Variants in LCOR observed in about 807,000 individuals in gnomAD.
The protein encoded by LCOR is ligand dependent nuclear receptor corepressor.
Under a neutral mutation model 64.4 loss-of-function variants are expected in LCOR, and 14 were observed. That is an observed-to-expected ratio of 0.22 (90% confidence interval 0.14 to 0.34). The LOEUF (loss-of-function observed/expected upper bound fraction) is 0.34, where lower values mean the gene tolerates loss of function less well. LCOR is among the 10% of genes least tolerant of loss of function. The probability of loss-of-function intolerance (pLI) is 1.00; values close to 1 mark genes in which losing one functional copy is unlikely to be tolerated. For missense variants in LCOR, 1,686 were observed against 1,765.3 expected, an observed-to-expected ratio of 0.96 and a Z score of 0.80; for synonymous variants, 643 against 642.5, an observed-to-expected ratio of 1.00 and a Z score of -0.01.
intron 2 of LCOR, among the ~76,000 whole-genome samples, chr10:96,894,951 A>G (rs1846512406): frequency 6.6e-6 from 1 of 152,164 alleles, no homozygotes; most frequent in South Asian, 2.1e-4. Flanking sequence ...ATAGAACAGT[A>G]AAAAAGACCT....
Position 96,833,398 on chromosome 10 carries a change from C to T in LCOR, c.-403-8C>T, listed in dbSNP as rs1002350351. On this transcript the variant is annotated splice_region_variant and splice_polypyrimidine_tract_variant and intron_variant, in intron 1 of 7. Transcript: ENST00000421806. ...CACTGTGTGTTTTGTCTGTTTTTCT[C>T]TCCCAAGGTCCCGTTTCCCTCTGTG... 4.4e-5 allele frequency: 43 copies of T among 985,766 alleles called. No homozygotes were observed. The highest frequency in any genetic ancestry group is 4.9e-5 in the Non-Finnish European group (41 of 829,996). The allele number at this position is 985,766 out of a possible 1,614,324, so 61.1% of individuals were successfully genotyped here. A position where few individuals can be genotyped will look rare whatever the true frequency, so the allele number is the denominator to read the frequency against.
chr10:96,907,850 G>A (rs1589647372), intron 4 of LCOR, 103 bp downstream of exon 4: 1 of 267,144 alleles, frequency 3.7e-6, no homozygotes, highest in Non-Finnish European at 5.8e-6. Context: ...GGAAAAGGAA[G>A]GTATGGTTTC....
chr10:96,866,718 G>T (rs1330182110), intron 2 of LCOR, among the ~76,000 whole-genome samples: 1 of 152,152 alleles, frequency 6.6e-6, no homozygotes, highest in Admixed American at 6.6e-5. Flanking sequence ...CGGATTACAG[G>T]CGCACACTAC....
chr10:96,911,487 C>T (rs537298964), intron 4 of LCOR, among the ~76,000 whole-genome samples: 15 of 152,288 alleles, frequency 9.8e-5, no homozygotes, highest in South Asian at 6.2e-4. Flanking sequence ...CAGAGATGTT[C>T]AGTTATGGGC....
At chr10:96,841,459 G>A (rs912302281) in intron 2 of LCOR, among the ~76,000 whole-genome samples, 1 of 150,606 alleles carries the variant, frequency 6.6e-6, no homozygotes, top group Non-Finnish European at 1.5e-5. Flanking sequence ...CTCCCAGGCT[G>A]AAGCAATTAT....
chr10:96,947,728 C>T (rs557999213), intron 5 of LCOR, among the ~76,000 whole-genome samples: 1 of 151,716 alleles, frequency 6.6e-6, no homozygotes, highest in Non-Finnish European at 1.5e-5. Flanking sequence ...CTCTTTTGAT[C>T]ACATTTCCCT....
Position 96,866,242 on chromosome 10 carries a change from A to G in LCOR, c.-330+32763A>G, listed in dbSNP as rs186609242. 5.3e-5 allele frequency among the ~76,000 whole-genome samples: 8 copies of G among 152,312 alleles called. No homozygotes were observed. In the East Asian group the frequency reaches 9.6e-4, roughly 18 times the overall value. On this transcript the variant is annotated intron_variant, in intron 2 of 7. Coordinates refer to ENST00000421806, the MANE Select transcript of LCOR (RefSeq NM_001346516.2). ...ACCCGTTACATGATCAAATTTTAGA[A>G]TAGCCACTCCTCATTCTGTCTCCTT...
At position 96,981,382 on chromosome 10, in the gene LCOR, A is replaced by G; in HGVS notation, c.922A>G (p.Lys308Glu). Residue 308 changes from lysine to glutamate, a missense_variant, in exon 8 of 8, where the codon AAA (lysine) becomes GAA (glutamate). Transcript: ENST00000421806. ...DTNVNICEDG[K>E]DHMQSSALVE... ...AAATGTGAACATATGTGAGGATGGT[A>G]AAGACCATATGCAGAGTTCAGCTTT... The G allele has an allele frequency of 1.2e-6, 2 of 1,614,176 alleles. No individual in the cohort carries two copies. Among genetic ancestry groups the G allele is most frequent in the Non-Finnish European group, 1.7e-6 (2 of 1,180,024 alleles).
intron 7 of LCOR, among the ~76,000 whole-genome samples, chr10:96,965,391 G>T (rs1457932754): frequency 6.6e-6 from 1 of 150,842 alleles, no homozygotes; most frequent in Admixed American, 6.6e-5. Context: ...GGCCGGGCAC[G>T]ATGGCTCACG....
intron 2 of LCOR, among the ~76,000 whole-genome samples, chr10:96,852,112 T>G (rs1164224265): frequency 6.6e-6 from 1 of 152,194 alleles, no homozygotes; most frequent in Non-Finnish European, 1.5e-5. Flanking sequence ...TAAAAAATAT[T>G]GTATAAAATT....
intron 2 of LCOR, among the ~76,000 whole-genome samples, chr10:96,873,409 A>C (rs1041596203): frequency 6.6e-6 from 1 of 152,072 alleles, no homozygotes; most frequent in Non-Finnish European, 1.5e-5. Context: ...TTTTCCCTGA[A>C]TTGCTGAGTT....
intron 4 of LCOR, among the ~76,000 whole-genome samples, chr10:96,925,242 AT>A (rs1446901151): frequency 6.6e-6 from 1 of 151,884 alleles, no homozygotes; most frequent in East Asian, 1.9e-4. Flanking sequence ...CGCTCAGCTA[AT>A]TTTTGTATTT....
chr10:96,860,538 C>T (rs1022265022), intron 2 of LCOR, among the ~76,000 whole-genome samples: 2 of 152,178 alleles, frequency 1.3e-5, no homozygotes, highest in Non-Finnish European at 2.9e-5. Flanking sequence ...GACTTCTAGC[C>T]TCTAGAATCG....
At chr10:96,940,125 A>T (rs1338163329) in intron 4 of LCOR, among the ~76,000 whole-genome samples, 4 of 152,222 alleles carry the variant, frequency 2.6e-5, no homozygotes, top group Admixed American at 2.6e-4. Context: ...GGTATAATAA[A>T]AAAGATAACA....
rs148140100 is a variant in LCOR at position 96,860,267 on chromosome 10, T to A, written c.-330+26788T>A. 3.3e-5 allele frequency among the ~76,000 whole-genome samples: 5 copies of A among 152,246 alleles called. No homozygotes were observed. In the East Asian group the frequency reaches 9.7e-4, roughly 29 times the overall value. On this transcript the variant is annotated intron_variant, in intron 2 of 7. Transcript: ENST00000421806. ...AATTTTAGCTTATTTATACATAAGG[T>A]CTTTGCAGTTAAAATTAAGATGAAG...
At chr10:96,926,573 T>A (rs1443496975) in intron 4 of LCOR, among the ~76,000 whole-genome samples, 1 of 152,132 alleles carries the variant, frequency 6.6e-6, no homozygotes, top group Non-Finnish European at 1.5e-5. Context: ...GAGATAGTAT[T>A]TATGTACAAT....
Position 96,965,085 on chromosome 10 carries a change from T to C in LCOR, c.332+12889T>C, listed in dbSNP as rs1847934872. Among the ~76,000 whole-genome samples the C allele has an allele frequency of 2.0e-5, 3 of 151,884 alleles. No homozygotes were observed. In the South Asian group the frequency reaches 6.2e-4, roughly 32 times the overall value. ...ATGCAGTGGCACGATCTCGGCTCAC[T>C]GCAAGCTCTGCTTCCTGGGTTCACA... is the stretch of plus-strand genomic sequence containing the variant. On this transcript the variant is annotated intron_variant, in intron 7 of 7. Coordinates refer to ENST00000421806, the MANE Select transcript of LCOR (RefSeq NM_001346516.2).
intron 2 of LCOR, among the ~76,000 whole-genome samples, chr10:96,862,169 A>C (rs1845897765): frequency 6.6e-6 from 1 of 152,212 alleles, no homozygotes; most frequent in Non-Finnish European, 1.5e-5. Flanking sequence ...CTCCCTGGGC[A>C]CACTACTCTC....
intron 1 of LCOR, 128 bp downstream of exon 1, chr10:96,832,527 C>G (rs1214860836): frequency 5.0e-6 from 1 of 198,908 alleles, no homozygotes; most frequent in African/African-American, 2.4e-5. Context: ...CTCGAGCGTC[C>G]CCCCTTCCCC....
Sources: gnomAD v4.1 joint callset for allele counts (sites outside exome capture counted in the v4.1 genomes callset) on GRCh38, gnomAD v4.1.1 for gene constraint, MANE v1.5 for transcripts, NCBI Gene and HGNC (gene_info 2026-07-23, HGNC 2026-07-21) for gene names.